Variants in PCDH15 observed in about 807,000 individuals in gnomAD.
The protein encoded by PCDH15 is protocadherin-15.
A neutral mutation model predicts 178.5 loss-of-function variants in PCDH15; 129 were observed. The observed-to-expected ratio is 0.72, with a 90% CI of 0.63 to 0.84. The LOEUF (loss-of-function observed/expected upper bound fraction) is 0.84. PCDH15 is among the 40% of genes least tolerant of loss of function. The pLI, the probability that PCDH15 is intolerant of heterozygous loss-of-function variation, is 0.00. For missense variants in PCDH15, 2,230 were observed against 2,099.9 expected (o/e 1.06, Z -1.21); for synonymous variants, 800 against 732.0 (o/e 1.09, Z -1.50).
At chr10:55,323,621 C>T (rs537931829), upstream of PCDH15, among the ~76,000 whole-genome samples, 5 of 152,236 alleles carry the variant, frequency 3.3e-5, no homozygotes, top group East Asian at 9.7e-4. Context: ...GCCTGTAGTT[C>T]CTTTGTTTAG....
chr10:55,372,507 T>C (rs1237534984), intron 2 of PCDH15, among the ~76,000 whole-genome samples: 3 of 152,156 alleles, frequency 2.0e-5, no homozygotes, highest in African/African-American at 7.2e-5. Flanking sequence ...TTTAGACACA[T>C]AGACATGTAT....
At chr10:54,431,563 T>C (rs1358085202) in intron 3 of PCDH15, among the ~76,000 whole-genome samples, 1 of 152,170 alleles carries the variant, frequency 6.6e-6, no homozygotes, top group African/African-American at 2.4e-5. Context: ...CAACCTTTCA[T>C]GATAAAATGT....
chr10:55,206,326 C>G (rs1037712043), intron 1 of PCDH15, among the ~76,000 whole-genome samples: 10 of 152,068 alleles, frequency 6.6e-5, no homozygotes, highest in African/African-American at 2.4e-4. Context: ...AAGTTGTGAT[C>G]TAGCTTTTGC....
chr10:55,292,451 G>A lies in PCDH15; in HGVS notation c.-156+27148C>T, dbSNP rs554604182. Among the ~76,000 whole-genome samples the A allele has an allele frequency of 1.6e-3, 236 of 152,018 alleles. 1 individual carries two copies. The highest frequency in any genetic ancestry group is 3.4e-3 in the Middle Eastern group (1 of 294). The stretch of plus-strand genomic sequence containing the variant: ...GGCTGGAGTGCAATGGCATGATCTC[G>A]GCTCACTGCTACCTCCATCTCCCGG... On this transcript the variant is annotated intron_variant, in intron 1 of 5. Transcript: ENST00000458638.
At chr10:53,989,854 A>G (rs1054741164) in intron 21 of PCDH15, among the ~76,000 whole-genome samples, 2 of 152,178 alleles carry the variant, frequency 1.3e-5, no homozygotes, top group African/African-American at 4.8e-5. Flanking sequence ...AAAATAAATC[A>G]GTAGTGATAT....
chr10:55,621,903 A>C (rs948881149), intron 2 of PCDH15, among the ~76,000 whole-genome samples: 1 of 150,000 alleles, frequency 6.7e-6, no homozygotes. Context: ...TGATTTGAAG[A>C]ATGTATAAAA....
intron 21 of PCDH15, among the ~76,000 whole-genome samples, chr10:53,991,014 C>T (rs1257551544): frequency 6.6e-6 from 1 of 152,160 alleles, no homozygotes; most frequent in Non-Finnish European, 1.5e-5. Context: ...CCACGCTGCA[C>T]TCGAATTCTC....
chr10:54,616,897 T>A (rs2093175994), intron 2 of PCDH15, among the ~76,000 whole-genome samples: 1 of 152,118 alleles, frequency 6.6e-6, no homozygotes, highest in Non-Finnish European at 1.5e-5. Flanking sequence ...AGCTTATAAC[T>A]TCTTTGTAAA....
At chr10:54,954,399 T>C (rs953066108) in intron 2 of PCDH15, among the ~76,000 whole-genome samples, 4 of 151,304 alleles carry the variant, frequency 2.6e-5, no homozygotes, top group African/African-American at 4.8e-5. Context: ...CTCATCTCTA[T>C]TGAACATATC....
intron 2 of PCDH15, among the ~76,000 whole-genome samples, chr10:55,018,121 A>G (rs1289818661): frequency 2.6e-5 from 4 of 152,152 alleles, no homozygotes; most frequent in African/African-American, 9.6e-5. Context: ...AAGAGTAACC[A>G]ATTTTCATCT....
At chr10:54,449,522 C>T (rs1258581227) in intron 3 of PCDH15, among the ~76,000 whole-genome samples, 2 of 151,672 alleles carry the variant, frequency 1.3e-5, no homozygotes, top group Non-Finnish European at 1.5e-5. Context: ...TGGATGGCTG[C>T]ATGAAAGGAG....
chr10:53,992,344 TTC>T (rs1467472783), intron 21 of PCDH15, among the ~76,000 whole-genome samples: 1 of 152,196 alleles, frequency 6.6e-6, no homozygotes, highest in Non-Finnish European at 1.5e-5. Flanking sequence ...TGCGGCTTCC[TTC>T]TTGAAGTCGG....
chr10:54,643,661 T>A (rs2094047793), intron 2 of PCDH15, among the ~76,000 whole-genome samples: 1 of 152,076 alleles, frequency 6.6e-6, no homozygotes, highest in South Asian at 2.1e-4. Context: ...CAATATGTAT[T>A]TGGTATAGAT....
Position 55,169,650 on chromosome 10 carries a change from C to T in PCDH15, c.-155-2999G>A, listed in dbSNP as rs562139364. ...TTTGATTTGTGAAGCCATAATTAAA[C>T]ACTAGAGAACTACAAATTGATACAA... On this transcript the variant is annotated intron_variant, in intron 1 of 5. Coordinates refer to the PCDH15 transcript ENST00000458638. Among the ~76,000 whole-genome samples, 166 of 152,234 alleles carry T rather than the reference C, an allele frequency of 1.1e-3. 1 individual carries two copies. Among genetic ancestry groups the T allele is most frequent in the African/African-American group, 3.6e-3 (151 of 41,554 alleles).
chr10:53,839,674 AT>A (rs11297132), intron 29 of PCDH15, among the ~76,000 whole-genome samples: 89,976 of 149,660 alleles, frequency 0.6, 28,052 homozygotes, highest in East Asian at 0.97. Flanking sequence ...TCTGTTAACA[AT>A]TTTTTTTTTT....
At chr10:54,642,573 C>T (rs1318895904) in intron 2 of PCDH15, among the ~76,000 whole-genome samples, 5 of 151,982 alleles carry the variant, frequency 3.3e-5, no homozygotes, top group Non-Finnish European at 5.9e-5. Flanking sequence ...TCACCAAAAG[C>T]AATGAATATA....
chr10:55,403,842 G>A lies in PCDH15; in HGVS notation c.-156+223783C>T, dbSNP rs140209359. ...TTTTTTAAATTTACAGGCTATAAAC[G>A]ACATTAACAAACCAGTTTTAGAACC... On this transcript the variant is annotated intron_variant, in intron 2 of 5. Transcript: ENST00000613346. Among the ~76,000 whole-genome samples, 913 of 151,956 alleles carry A rather than the reference G, an allele frequency of 6.0e-3. 8 individuals carry two copies. Among genetic ancestry groups the A allele is most frequent in the Admixed American group, 0.012 (180 of 15,224 alleles).
intron 2 of PCDH15, among the ~76,000 whole-genome samples, chr10:54,562,060 G>T (rs192827472): frequency 4.3e-4 from 58 of 133,868 alleles, no homozygotes; most frequent in Middle Eastern, 4.9e-3. Context: ...GTGTGATCTT[G>T]GTTCACTGCA....
chr10:54,296,385 C>T (rs1245206701), intron 8 of PCDH15, among the ~76,000 whole-genome samples: 3 of 151,778 alleles, frequency 2.0e-5, no homozygotes, highest in Admixed American at 6.6e-5. Context: ...TGAGGCTGAG[C>T]GGAACTCTCA....
Sources: gnomAD v4.1 joint callset for allele counts (sites outside exome capture counted in the v4.1 genomes callset) on GRCh38, gnomAD v4.1.1 for gene constraint, MANE v1.5 for transcripts, NCBI Gene and HGNC (gene_info 2026-07-23, HGNC 2026-07-21) for gene names.